ACTR3C: variants seen among roughly 807,000 people sequenced by gnomAD.
ACTR3C encodes the protein actin related protein 3C, also known as actin-related protein 3C.
A neutral mutation model predicts 26.3 loss-of-function variants in ACTR3C; 18 were observed. The observed-to-expected ratio is 0.68, with a 90% CI of 0.47 to 1.01. The LOEUF (loss-of-function observed/expected upper bound fraction) is 1.01. Ranked by LOEUF, ACTR3C falls within the 50% of genes least tolerant of loss-of-function variation. ACTR3C has a pLI of 0.00. For missense variants in ACTR3C, 184 were observed against 250.7 expected (o/e 0.73, Z 1.80); for synonymous variants, 55 against 94.5 (o/e 0.58, Z 2.42).
At chr7:149,979,556 A>C in the ACTR3C span, among the ~76,000 whole-genome samples, 7 of 152,228 alleles carry the variant, frequency 4.6e-5, no homozygotes. Context: ...TCAGACTTTG[A>C]AGGTAAAGGC....
At chr7:150,047,631 C>T in the ACTR3C span, 1 of 1,045,848 alleles carries the variant, frequency 9.6e-7, no homozygotes, top group Non-Finnish European at 1.2e-6. Flanking sequence ...ACCATCGCTC[C>T]GCGCCTGGTA....
At chr7:149,988,869 A>T in the ACTR3C span, among the ~76,000 whole-genome samples, 2 of 152,224 alleles carry the variant, frequency 1.3e-5, no homozygotes, top group Non-Finnish European at 1.5e-5. Flanking sequence ...TGAATTATTT[A>T]TTTGTTATTA....
At chr7:149,949,006 T>TAA in the ACTR3C span, among the ~76,000 whole-genome samples, 1 of 145,024 alleles carries the variant, frequency 6.9e-6, no homozygotes, top group Non-Finnish European at 1.5e-5. Context: ...TCATGTGCTG[T>TAA]AAAAAAAATC....
chr7:150,110,348 T>C, the ACTR3C span, among the ~76,000 whole-genome samples: 2 of 150,948 alleles, frequency 1.3e-5, no homozygotes, highest in African/African-American at 2.4e-5. Context: ...CTCGGAGGCA[T>C]TGGGGTCACC....
At chr7:150,039,018 T>A in the ACTR3C span, among the ~76,000 whole-genome samples, 377 of 94,320 alleles carry the variant, frequency 4.0e-3, 17 homozygotes, top group Admixed American at 0.014. Context: ...GGGAAGAGGG[T>A]CTGGCTCTCA....
intron 6 of ACTR3C, among the ~76,000 whole-genome samples, chr7:150,266,519 G>A (rs1834053451): frequency 6.6e-6 from 1 of 151,882 alleles, no homozygotes; most frequent in Non-Finnish European, 1.5e-5. Context: ...TTTGTGGTAG[G>A]CAAAAATTTC....
rs994286593 is a variant in ACTR3C, at chr7:150,305,030, G to A, written c.-51-9683C>T. Among the ~76,000 whole-genome samples, 7 of 151,326 alleles carry A rather than the reference G, an allele frequency of 4.6e-5. No individual in the cohort carries two copies. In the East Asian group the frequency reaches 1.2e-3, roughly 25 times the overall value. ...TCTGGGAGTTTGATTGTTCTCAGGC[G>A]GTCTCAGCTTCAACATACTGGGACT... is the stretch of plus-strand genomic sequence containing the variant. On this transcript the variant is annotated intron_variant, in intron 1 of 7. Transcript: ENST00000683684.
the ACTR3C span, among the ~76,000 whole-genome samples, chr7:149,947,238 T>C: frequency 6.8e-6 from 1 of 147,172 alleles, no homozygotes; most frequent in Admixed American, 6.6e-5. Context: ...TTCTTCTTCA[T>C]CCATCCATTT....
chr7:149,961,852 T>C, the ACTR3C span, among the ~76,000 whole-genome samples: 6 of 151,762 alleles, frequency 4.0e-5, no homozygotes, highest in African/African-American at 1.5e-4. Context: ...ACTGGAAGTA[T>C]ACACAGAGGA....
intron 4 of ACTR3C, among the ~76,000 whole-genome samples, chr7:150,286,935 G>A (rs71537937): frequency 3.9e-5 from 6 of 152,192 alleles, no homozygotes; most frequent in Admixed American, 6.5e-5. Flanking sequence ...CCCGTGCTGC[G>A]AGCTCAACTA....
the ACTR3C span, among the ~76,000 whole-genome samples, chr7:150,105,201 G>T: frequency 6.6e-6 from 1 of 150,918 alleles, no homozygotes; most frequent in South Asian, 2.1e-4. Flanking sequence ...TCCTGCCTAA[G>T]CCTCTCGAGT....
the ACTR3C span, among the ~76,000 whole-genome samples, chr7:149,967,344 T>G: frequency 1.3e-5 from 2 of 152,068 alleles, no homozygotes; most frequent in Non-Finnish European, 1.5e-5. Flanking sequence ...CGCTAATTTT[T>G]TATTTTTAGT....
chr7:149,896,994 G>A, the ACTR3C span, among the ~76,000 whole-genome samples: 1 of 150,676 alleles, frequency 6.6e-6, no homozygotes, highest in Non-Finnish European at 1.5e-5. Context: ...TTGGGAGGTG[G>A]AGGTTGCAGT....
chr7:150,039,875 C>A, the ACTR3C span, among the ~76,000 whole-genome samples: 4 of 119,764 alleles, frequency 3.3e-5, no homozygotes, highest in Non-Finnish European at 7.4e-5. Flanking sequence ...AAGAGGGGCT[C>A]GCTCTCAGTC....
At chr7:150,066,791 G>A in the ACTR3C span, among the ~76,000 whole-genome samples, 1 of 152,192 alleles carries the variant, frequency 6.6e-6, no homozygotes, top group Admixed American at 6.5e-5. Context: ...TTGCAAAGAA[G>A]TCTAGAAACC....
chr7:150,038,209 C>T, the ACTR3C span, among the ~76,000 whole-genome samples: 14 of 144,224 alleles, frequency 9.7e-5, 2 homozygotes, highest in Admixed American at 3.4e-4. Context: ...GCTTCTTGTA[C>T]TAGCAGGGCA....
the ACTR3C span, among the ~76,000 whole-genome samples, chr7:150,215,104 C>G: frequency 6.6e-5 from 10 of 150,536 alleles, no homozygotes; most frequent in African/African-American, 2.2e-4. Context: ...GACAGACATA[C>G]AAGCTTTGCT....
At chr7:150,053,588 G>C in the ACTR3C span, among the ~76,000 whole-genome samples, 6 of 152,302 alleles carry the variant, frequency 3.9e-5, no homozygotes, top group South Asian at 1.2e-3. Flanking sequence ...CTGTCTTCTG[G>C]GGACATTGGC....
chr7:150,287,370 T>C (rs990121520), intron 4 of ACTR3C, among the ~76,000 whole-genome samples: 24 of 152,204 alleles, frequency 1.6e-4, no homozygotes, highest in Non-Finnish European at 2.8e-4. Context: ...ATGCTGCTGC[T>C]GCTGCTGCTG....
Sources: gnomAD v4.1 joint callset for allele counts (sites outside exome capture counted in the v4.1 genomes callset) on GRCh38, gnomAD v4.1.1 for gene constraint, MANE v1.5 for transcripts, NCBI Gene and HGNC (gene_info 2026-07-23, HGNC 2026-07-21) for gene names.